Variants in PCDHGA4 observed in about 807,000 individuals in gnomAD.
PCDHGA4 encodes protocadherin gamma-A4.
A neutral mutation model predicts 54.6 loss-of-function variants in PCDHGA4; 38 were observed. That is an observed-to-expected ratio of 0.70 (90% CI 0.54 to 0.91). PCDHGA4 has a LOEUF of 0.91. Ranked by LOEUF, PCDHGA4 falls within the 40% of genes least tolerant of loss-of-function variation. The probability of loss-of-function intolerance (pLI) is 0.00; values close to 1 mark genes in which losing one functional copy is unlikely to be tolerated. For synonymous variants in PCDHGA4, 511 were observed against 512.9 expected, an observed-to-expected ratio of 1.00 and a Z score of 0.05; for missense variants, 1,298 against 1,220.9, an observed-to-expected ratio of 1.06 and a Z score of -0.94.
At chr5:141,384,231 C>T in intron 1 of PCDHGA4, 2 of 1,613,928 alleles carry the variant, frequency 1.2e-6, no homozygotes, top group Non-Finnish European at 1.7e-6. Flanking sequence ...AGGTGGCAGA[C>T]ACCAACGATA....
At chr5:141,408,851 G>C in intron 1 of PCDHGA4, 1 of 1,613,574 alleles carries the variant, frequency 6.2e-7, no homozygotes, top group Non-Finnish European at 8.5e-7. Flanking sequence ...TGCCTTGGAC[G>C]GAGGGGACCC....
intron 2 of PCDHGA4, among the ~76,000 whole-genome samples, chr5:141,498,971 G>GGGAAGGAAGGAAGGAAGGAAGGAAGGAA (rs201769957): frequency 9.0e-6 from 1 of 110,972 alleles, no homozygotes; most frequent in Non-Finnish European, 1.8e-5. Flanking sequence ...GAGGGAGGGA[G>GGGAAGGAAGGAAGGAAGGAAGGAAGGAA]GGAAGGAAGG....
chr5:141,404,029 C>T (rs1363448), intron 1 of PCDHGA4: 736,203 of 1,612,620 alleles, frequency 0.46, 175,243 homozygotes, highest in African/African-American at 0.8. Flanking sequence ...TGAGAGAAGA[C>T]GCACCTCAGG....
intron 2 of PCDHGA4, among the ~76,000 whole-genome samples, chr5:141,499,301 TC>T (rs771049830): frequency 6.6e-6 from 1 of 152,166 alleles, no homozygotes; most frequent in Non-Finnish European, 1.5e-5. Context: ...CTACCATCCC[TC>T]CTCTGAGAGA....
intron 1 of PCDHGA4, among the ~76,000 whole-genome samples, chr5:141,484,597 A>C (rs1345278081): frequency 1.3e-5 from 2 of 152,070 alleles, no homozygotes; most frequent in African/African-American, 4.8e-5. Flanking sequence ...CTCATTTAGA[A>C]TACTGGTTGA....
chr5:141,400,292 G>T, intron 1 of PCDHGA4: 1 of 1,614,078 alleles, frequency 6.2e-7, no homozygotes, highest in South Asian at 1.1e-5. Flanking sequence ...GCCTGGAGCT[G>T]CTTCCAACCT....
chr5:141,365,803 G>C, intron 1 of PCDHGA4: 6 of 1,613,862 alleles, frequency 3.7e-6, no homozygotes, highest in South Asian at 1.1e-5. Flanking sequence ...CCTACTCCCT[G>C]GCTGAAGACA....
intron 1 of PCDHGA4, chr5:141,479,521 T>C (rs4912607): frequency 0.2 from 30,680 of 152,154 alleles, 3,215 homozygotes; most frequent in Admixed American, 0.29. Flanking sequence ...CTGGCCCAGG[T>C]TGGAAGTGGA....
chr5:141,423,141 G>A, intron 1 of PCDHGA4: 1 of 1,613,580 alleles, frequency 6.2e-7, no homozygotes, highest in Non-Finnish European at 8.5e-7. Context: ...ACAGAGACGC[G>A]CTCAAGCAGA....
Position 141,432,226 on chromosome 5 carries a change from T to C in PCDHGA4, c.2515-62581T>C. On this transcript the variant is annotated intron_variant, in intron 1 of 3. Coordinates refer to ENST00000571252, the MANE Select transcript of PCDHGA4 (RefSeq NM_018917.4). The surrounding 1 kb of genome is among the most constrained non-coding windows in gnomAD (Gnocchi z 6.0). ...GTGAAGAGAACGCCCAGATCACTTATTCCCTGGCTGAGAACACCATCCAAG... is the reference window on the plus strand; with the variant it reads ...GTGAAGAGAACGCCCAGATCACTTACTCCCTGGCTGAGAACACCATCCAAG... 4 of 1,614,198 alleles carry C rather than the reference T, an allele frequency of 2.5e-6. No individual in the cohort carries two copies. The highest frequency in any genetic ancestry group is 3.4e-6 in the Non-Finnish European group (4 of 1,180,028).
chr5:141,395,055 G>T, intron 1 of PCDHGA4: 1 of 1,614,178 alleles, frequency 6.2e-7, no homozygotes, highest in African/African-American at 1.3e-5. Context: ...GGAGGTACAG[G>T]CTTTCCTGCA....
chr5:141,430,383 G>GAA (rs139772145), intron 1 of PCDHGA4, among the ~76,000 whole-genome samples: 39 of 138,602 alleles, frequency 2.8e-4, no homozygotes, highest in African/African-American at 7.9e-4. Context: ...AGCTCATTGG[G>GAA]AAAAAAAAAA....
At chr5:141,483,980 G>A (rs1379963326) in intron 1 of PCDHGA4, among the ~76,000 whole-genome samples, 4 of 148,294 alleles carry the variant, frequency 2.7e-5, no homozygotes, top group Non-Finnish European at 5.9e-5. Flanking sequence ...CAAGGGAGTA[G>A]CTAGGTTGCT....
At chr5:141,394,159 C>T in intron 1 of PCDHGA4, 1 of 1,613,916 alleles carries the variant, frequency 6.2e-7, no homozygotes, top group Non-Finnish European at 8.5e-7. Context: ...AACGACAACC[C>T]TCCTACTTTC....
chr5:141,361,254 CAG>C, intron 1 of PCDHGA4: 1 of 1,613,964 alleles, frequency 6.2e-7, no homozygotes, highest in South Asian at 1.1e-5. Flanking sequence ...AAACGAGAGA[CAG>C]AGACTCTGGA....
At chr5:141,510,132 G>A (rs920772998) in intron 3 of PCDHGA4, among the ~76,000 whole-genome samples, 2 of 152,120 alleles carry the variant, frequency 1.3e-5, no homozygotes, top group African/African-American at 4.8e-5. Context: ...AAATTAGCTG[G>A]GCTAGTGGTG....
At chr5:141,502,484 G>A (rs962659219) in intron 2 of PCDHGA4, among the ~76,000 whole-genome samples, 1 of 152,000 alleles carries the variant, frequency 6.6e-6, no homozygotes. Context: ...CATCACACTG[G>A]GACTCATCTA....
chr5:141,402,842 A>G, intron 1 of PCDHGA4: 1 of 1,396,816 alleles, frequency 7.2e-7, no homozygotes, highest in Non-Finnish European at 9.4e-7. Flanking sequence ...AGCAAAACTC[A>G]GCCTCTTTCT....
intron 1 of PCDHGA4, chr5:141,417,389 A>C (rs578088616): frequency 2.5e-4 from 39 of 154,566 alleles, no homozygotes; most frequent in Admixed American, 4.5e-4. Flanking sequence ...ATTTTGAAGA[A>C]AAAATATTCA....
Sources: gnomAD v4.1 joint callset for allele counts (sites outside exome capture counted in the v4.1 genomes callset) on GRCh38, gnomAD v4.1.1 for gene constraint, Gnocchi (gnomAD v3.1) non-coding constraint, MANE v1.5 for transcripts, NCBI Gene and HGNC (gene_info 2026-07-23, HGNC 2026-07-21) for gene names.